Variants in C11orf65 observed in about 807,000 individuals in gnomAD.
C11orf65 encodes the protein protein MFI.
In C11orf65, 38 loss-of-function variants were observed where a neutral mutation model predicts 35.3. The ratio of observed to expected loss-of-function variants is 1.08; its 90% confidence interval spans 0.83 to 1.41. The LOEUF is 1.41. Ranked by LOEUF, C11orf65 falls within the 40% of genes most tolerant of loss-of-function variation. The pLI is 0.00. For missense variants in C11orf65, 370 were observed against 367.1 expected (o/e 1.01, Z -0.06); for synonymous variants, 105 against 114.4 (o/e 0.92, Z 0.53).
chr11:108,344,743 C>T (rs1402074911), intron 2 of C11orf65, among the ~76,000 whole-genome samples: 1 of 152,056 alleles, frequency 6.6e-6, no homozygotes, highest in Non-Finnish European at 1.5e-5. Flanking sequence ...GTAGCGCATG[C>T]CTGTAATCCC....
chr11:108,408,030 T>A (rs199766926), intron 3 of C11orf65, among the ~76,000 whole-genome samples: 2 of 121,184 alleles, frequency 1.7e-5, no homozygotes, highest in African/African-American at 5.6e-5. Flanking sequence ...TATTATTATT[T>A]TATTATTACA....
At chr11:108,407,803 G>A (rs2092570733) in intron 3 of C11orf65, among the ~76,000 whole-genome samples, 1 of 150,906 alleles carries the variant, frequency 6.6e-6, no homozygotes. Context: ...ATGGTGGCAG[G>A]CACCTGTAGT....
downstream of C11orf65, among the ~76,000 whole-genome samples, chr11:108,378,723 A>G: frequency 7.0e-6 from 1 of 142,274 alleles, no homozygotes; most frequent in East Asian, 2.0e-4. Flanking sequence ...AATTTTCGCA[A>G]CCTACTCATC....
At chr11:108,377,332 A>T (rs2091756966) in intron 2 of C11orf65, among the ~76,000 whole-genome samples, 1 of 152,242 alleles carries the variant, frequency 6.6e-6, no homozygotes, top group Non-Finnish European at 1.5e-5. Context: ...CAATGTACGC[A>T]AATCAATAAA....
chr11:108,426,246 G>T (rs556696402), intron 3 of C11orf65, among the ~76,000 whole-genome samples: 3 of 152,180 alleles, frequency 2.0e-5, no homozygotes, highest in African/African-American at 7.2e-5. Flanking sequence ...TATTTAGAAA[G>T]CCCCATTGTC....
intron 2 of C11orf65, chr11:108,347,487 G>GT (rs1312609692): frequency 3.7e-6 from 3 of 820,000 alleles, no homozygotes; most frequent in East Asian, 2.7e-5. Flanking sequence ...TAAATATTGG[G>GT]TTTTTTTGTT....
chr11:108,368,302 A>C, intron 2 of C11orf65: 1 of 213,224 alleles, frequency 4.7e-6, no homozygotes, highest in East Asian at 7.0e-5. Flanking sequence ...AAAAAAAAAA[A>C]AAAGGTTTTG....
At chr11:108,360,823 A>C (rs1484570325) in intron 2 of C11orf65, among the ~76,000 whole-genome samples, 3 of 102,924 alleles carry the variant, frequency 2.9e-5, no homozygotes, top group Non-Finnish European at 5.7e-5. Context: ...ATCTATGACA[A>C]ACCCAGAGCC....
Position 108,310,303 on chromosome 11 carries a change from A to T in C11orf65, c.641-1232T>A. On this transcript the variant is annotated intron_variant, in intron 6 of 6. Transcript: ENST00000525729. ...TATGCAGATAAGAAAAGTATGGATG[A>T]TCAAGAGAAAAGGTAATGGAATTTA... The T allele has an allele frequency of 3.1e-6, 5 of 1,613,246 alleles. No individual in the cohort carries two copies. Among genetic ancestry groups the T allele is most frequent in the Non-Finnish European group, 4.2e-6 (5 of 1,179,512 alleles).
At chr11:108,334,216 C>T (rs2086588072) in intron 3 of C11orf65, among the ~76,000 whole-genome samples, 1 of 106,660 alleles carries the variant, frequency 9.4e-6, no homozygotes, top group Non-Finnish European at 2.2e-5. Context: ...GGTCTATAGA[C>T]TGTTACTTTC....
intron 3 of C11orf65, among the ~76,000 whole-genome samples, chr11:108,419,176 G>A (rs1345668002): frequency 6.6e-6 from 1 of 152,110 alleles, no homozygotes; most frequent in Non-Finnish European, 1.5e-5. Flanking sequence ...GACAGAGACA[G>A]TAAATTAGAC....
At chr11:108,378,240 G>T (rs2091779723), downstream of C11orf65, among the ~76,000 whole-genome samples, 1 of 150,548 alleles carries the variant, frequency 6.6e-6, no homozygotes, top group South Asian at 2.1e-4. Context: ...ATACTACAAG[G>T]CTACAGTAAC....
intron 3 of C11orf65, among the ~76,000 whole-genome samples, chr11:108,416,810 T>C (rs985415469): frequency 6.6e-6 from 1 of 152,046 alleles, no homozygotes; most frequent in Admixed American, 6.6e-5. Context: ...GAATGCAAAA[T>C]GGCACAGCCA....
At chr11:108,416,927 G>A (rs567489059) in intron 3 of C11orf65, among the ~76,000 whole-genome samples, 1 of 152,246 alleles carries the variant, frequency 6.6e-6, no homozygotes, top group South Asian at 2.1e-4. Context: ...AGTCAAAGGG[G>A]ATAATGAGAA....
chr11:108,460,727 T>C (rs2093463174), intron 2 of C11orf65, among the ~76,000 whole-genome samples: 1 of 93,432 alleles, frequency 1.1e-5, no homozygotes, highest in Non-Finnish European at 2.1e-5. Context: ...AAAGTCTGCT[T>C]TGTTGTTGTT....
At position 108,354,076 on chromosome 11, in the gene C11orf65, C is replaced by CACACACACAA. The variant is rs1467608591; in HGVS notation, c.227-18785_227-18784insTTGTGTGTGT. Reference sequence around the variant, plus strand: ...AAAAAAATACACACACACAAACACACACACACACACACACACACACACACA... The same window carrying CACACACACAA: ...AAAAAAATACACACACACAAACACACACACACACAAACACACACACACACACACACACACA... On this transcript the variant is annotated intron_variant, in intron 2 of 3. Transcript: ENST00000524755. 2.4e-3 allele frequency among the ~76,000 whole-genome samples: 359 copies of CACACACACAA among 148,402 alleles called. 2 individuals carry two copies. Among genetic ancestry groups the CACACACACAA allele is most frequent in the African/African-American group, 8.9e-3 (347 of 39,168 alleles).
chr11:108,345,183 C>T (rs1045367116), intron 2 of C11orf65, among the ~76,000 whole-genome samples: 1 of 152,126 alleles, frequency 6.6e-6, no homozygotes, highest in Non-Finnish European at 1.5e-5. Context: ...GCTGAATGGG[C>T]AGCTTGAGAA....
At position 108,392,730 on chromosome 11, in the gene C11orf65, T is replaced by C. The variant is rs1232813205; in HGVS notation, c.731+478A>G. Among the ~76,000 whole-genome samples, 6 of 152,356 alleles carry C rather than the reference T, an allele frequency of 3.9e-5. No homozygotes were observed. In the East Asian group the frequency reaches 1.2e-3, roughly 29 times the overall value. ...GTAGGTGTGAAGTGGTATCTCATTA[T>C]GGTTTTGATTGCATTTCCTTAATGG... On this transcript the variant is annotated intron_variant, in intron 7 of 8. Coordinates refer to ENST00000393084, the MANE Select transcript of C11orf65 (RefSeq NM_152587.5).
At chr11:108,354,341 A>G (rs1041489764) in intron 2 of C11orf65, among the ~76,000 whole-genome samples, 1 of 152,108 alleles carries the variant, frequency 6.6e-6, no homozygotes, top group African/African-American at 2.4e-5. Context: ...GATCCAAACT[A>G]CTATTGGGTG....
Sources: gnomAD v4.1 joint callset for allele counts (sites outside exome capture counted in the v4.1 genomes callset) on GRCh38, gnomAD v4.1.1 for gene constraint, MANE v1.5 for transcripts, NCBI Gene and HGNC (gene_info 2026-07-23, HGNC 2026-07-21) for gene names.